The following ZSCAN25 variants were observed in gnomAD, a reference collection of about 807,000 sequenced individuals.
ZSCAN25 encodes zinc finger and SCAN domain-containing protein 25.
In ZSCAN25, 27 loss-of-function variants were observed where a neutral mutation model predicts 38.7. The ratio of observed to expected loss-of-function variants is 0.70; its 90% CI spans 0.51 to 0.96. The LOEUF (loss-of-function observed/expected upper bound fraction) is 0.96, where lower values mean the gene tolerates loss of function less well. Ranked by LOEUF, ZSCAN25 falls within the 40% of genes least tolerant of loss-of-function variation. ZSCAN25 has a pLI of 0.00. For synonymous variants in ZSCAN25, 273 were observed against 277.7 expected, an observed-to-expected ratio of 0.98 and a Z score of 0.17; for missense variants, 637 against 705.9, an observed-to-expected ratio of 0.90 and a Z score of 1.11.
the ZSCAN25 span, among the ~76,000 whole-genome samples, chr7:99,719,214 C>T: frequency 6.6e-6 from 1 of 152,172 alleles, no homozygotes; most frequent in African/African-American, 2.4e-5. Context: ...AAAAATACAT[C>T]CATAAAAGTG....
At chr7:99,652,936 A>G in the ZSCAN25 span, among the ~76,000 whole-genome samples, 1 of 152,232 alleles carries the variant, frequency 6.6e-6, no homozygotes, top group Non-Finnish European at 1.5e-5. Context: ...TGGCATGTCC[A>G]TTGATGTGCT....
the ZSCAN25 span, among the ~76,000 whole-genome samples, chr7:99,736,342 C>A: frequency 6.6e-6 from 1 of 152,130 alleles, no homozygotes; most frequent in Non-Finnish European, 1.5e-5. Context: ...GTGGTCCCAG[C>A]CTCTTGAGGG....
At chr7:99,652,528 G>A in the ZSCAN25 span, 1 of 1,541,446 alleles carries the variant, frequency 6.5e-7, no homozygotes, top group Non-Finnish European at 8.9e-7. Context: ...GTCAGGGTGA[G>A]CTCCATTTCC....
the ZSCAN25 span, among the ~76,000 whole-genome samples, chr7:99,696,335 T>C: frequency 1.3e-5 from 2 of 152,154 alleles, no homozygotes; most frequent in Non-Finnish European, 2.9e-5. Flanking sequence ...ACCATGTCTT[T>C]AGAATTTGTG....
chr7:99,664,607 CA>C, the ZSCAN25 span, among the ~76,000 whole-genome samples: 1 of 152,052 alleles, frequency 6.6e-6, no homozygotes, highest in Non-Finnish European at 1.5e-5. Context: ...ATCAAAAGGG[CA>C]ACAAGAAATT....
downstream of ZSCAN25, among the ~76,000 whole-genome samples, chr7:99,635,322 T>TA (rs1248248381): frequency 6.6e-6 from 1 of 152,194 alleles, no homozygotes; most frequent in Non-Finnish European, 1.5e-5. Context: ...ATTCAAAACA[T>TA]ACTGCAGTTT....
the ZSCAN25 span, among the ~76,000 whole-genome samples, chr7:99,680,495 C>T: frequency 2.0e-5 from 3 of 152,180 alleles, no homozygotes; most frequent in African/African-American, 7.2e-5. Flanking sequence ...TTTCTCTCTA[C>T]CACCATTGTA....
chr7:99,648,192 A>G, the ZSCAN25 span: 3 of 1,455,594 alleles, frequency 2.1e-6, no homozygotes, highest in South Asian at 1.5e-5. Context: ...CTACTCATGC[A>G]GTACATTAGA....
At chr7:99,686,503 C>A in the ZSCAN25 span, among the ~76,000 whole-genome samples, 1 of 152,210 alleles carries the variant, frequency 6.6e-6, no homozygotes, top group Non-Finnish European at 1.5e-5. Flanking sequence ...AACAAAGCAG[C>A]TGGGAAGCTC....
chr7:99,708,957 C>T, the ZSCAN25 span: 1 of 1,497,756 alleles, frequency 6.7e-7, no homozygotes, highest in Admixed American at 1.7e-5. Flanking sequence ...TGTACAAGCC[C>T]AGACTGTCCT....
the ZSCAN25 span, chr7:99,695,651 C>T: frequency 1.9e-6 from 2 of 1,055,828 alleles, no homozygotes; most frequent in Non-Finnish European, 2.8e-6. Flanking sequence ...TGTAAAACCT[C>T]AGACCTTCCT....
At chr7:99,666,676 A>G in the ZSCAN25 span, 115 of 1,614,118 alleles carry the variant, frequency 7.1e-5, no homozygotes, top group African/African-American at 1.2e-3. Context: ...ATACTGGGCA[A>G]TGATGGGGAA....
the ZSCAN25 span, among the ~76,000 whole-genome samples, chr7:99,711,460 C>T: frequency 6.6e-6 from 1 of 152,108 alleles, no homozygotes; most frequent in African/African-American, 2.4e-5. Context: ...GGATCATAAG[C>T]ATCTGTGACC....
At chr7:99,679,961 G>A in the ZSCAN25 span, 2 of 1,448,736 alleles carry the variant, frequency 1.4e-6, no homozygotes, top group Non-Finnish European at 1.9e-6. Flanking sequence ...GCTGTTTGCT[G>A]GGCTGTTTGC....
the ZSCAN25 span, among the ~76,000 whole-genome samples, chr7:99,698,994 G>A: frequency 4.6e-5 from 7 of 152,146 alleles, no homozygotes; most frequent in Non-Finnish European, 8.8e-5. Flanking sequence ...AAGTTAATGG[G>A]ACAGGTGGAG....
chr7:99,725,121 A>T, the ZSCAN25 span, among the ~76,000 whole-genome samples: 2 of 152,190 alleles, frequency 1.3e-5, no homozygotes, highest in Non-Finnish European at 2.9e-5. Context: ...GCAGCATACA[A>T]GGCTGTTAAT....
the ZSCAN25 span, among the ~76,000 whole-genome samples, chr7:99,654,252 C>T: frequency 6.6e-6 from 1 of 152,080 alleles, no homozygotes; most frequent in African/African-American, 2.4e-5. Flanking sequence ...CCAAAACAGG[C>T]CCCAGTGTGT....
the ZSCAN25 span, among the ~76,000 whole-genome samples, chr7:99,708,475 CT>C: frequency 2.6e-5 from 4 of 151,886 alleles, no homozygotes; most frequent in African/African-American, 7.3e-5. Context: ...CCCTCCTTCT[CT>C]CCTCCTTCTC....
the ZSCAN25 span, among the ~76,000 whole-genome samples, chr7:99,735,448 A>G: frequency 1.3e-5 from 2 of 152,194 alleles, no homozygotes; most frequent in Non-Finnish European, 2.9e-5. Flanking sequence ...ACTCAAGTGG[A>G]GCCATTGGCA....
Sources: gnomAD v4.1 joint callset for allele counts (sites outside exome capture counted in the v4.1 genomes callset) on GRCh38, gnomAD v4.1.1 for gene constraint, MANE v1.5 for transcripts, NCBI Gene and HGNC (gene_info 2026-07-23, HGNC 2026-07-21) for gene names.